Variants in SRBD1 observed in about 807,000 individuals in gnomAD.
SRBD1 encodes S1 RNA-binding domain-containing protein 1.
In SRBD1, 88 loss-of-function variants were observed where a neutral mutation model predicts 115.3. That is an observed-to-expected ratio of 0.76 (90% CI 0.64 to 0.91). The LOEUF (loss-of-function observed/expected upper bound fraction) is 0.91, where lower values mean the gene tolerates loss of function less well. SRBD1 is among the 40% of genes least tolerant of loss of function. SRBD1 has a pLI of 0.00. For synonymous variants in SRBD1, 509 were observed against 407.7 expected, an observed-to-expected ratio of 1.25 and a Z score of -2.99; for missense variants, 1,385 against 1,177.4, an observed-to-expected ratio of 1.18 and a Z score of -2.58.
At chr2:45,485,690 T>C (rs55738065) in intron 15 of SRBD1, among the ~76,000 whole-genome samples, 1,788 of 152,298 alleles carry the variant, frequency 0.012, 31 homozygotes, top group African/African-American at 0.034. Context: ...TTAACACACA[T>C]ATAAATTTTG....
intron 14 of SRBD1, among the ~76,000 whole-genome samples, chr2:45,536,417 C>A (rs142458196): frequency 6.6e-6 from 1 of 152,034 alleles, no homozygotes; most frequent in African/African-American, 2.4e-5. Context: ...AAACCAATCA[C>A]CCAAACATTT....
At chr2:45,456,567 G>T (rs1669159914) in intron 16 of SRBD1, among the ~76,000 whole-genome samples, 1 of 151,942 alleles carries the variant, frequency 6.6e-6, no homozygotes, top group East Asian at 1.9e-4. Flanking sequence ...TACATAATGG[G>T]CATTTTGTAA....
rs115772375 is a variant in SRBD1 at position 45,483,790 on chromosome 2, C to T, written c.1966+4450G>A. ...ACAACTCTAAATTAGAATTTTTTCACTATAATGCTTATTAAAATGTAGTTT... is the reference window on the plus strand; with the variant it reads ...ACAACTCTAAATTAGAATTTTTTCATTATAATGCTTATTAAAATGTAGTTT... On this transcript the variant is annotated intron_variant, in intron 15 of 20. Transcript: ENST00000263736. Among the ~76,000 whole-genome samples, 940 of 152,184 alleles carry T rather than the reference C, an allele frequency of 6.2e-3. 6 individuals carry two copies. The highest frequency in any genetic ancestry group is 0.021 in the African/African-American group (856 of 41,548).
intron 9 of SRBD1, among the ~76,000 whole-genome samples, chr2:45,569,920 G>C (rs1460332194): frequency 6.6e-6 from 1 of 152,198 alleles, no homozygotes; most frequent in African/African-American, 2.4e-5. Context: ...AAACAATTTT[G>C]AATGTGTAAG....
chr2:45,544,125 C>T (rs1672033033), intron 14 of SRBD1, among the ~76,000 whole-genome samples: 2 of 148,726 alleles, frequency 1.3e-5, no homozygotes, highest in South Asian at 2.1e-4. Context: ...CCCAGCTACT[C>T]GGGAGGTTGA....
intron 4 of SRBD1, among the ~76,000 whole-genome samples, chr2:45,595,044 T>C (rs929501005): frequency 6.6e-6 from 1 of 152,224 alleles, no homozygotes; most frequent in Non-Finnish European, 1.5e-5. Context: ...CCAACCCCCC[T>C]GCTTAATTCA....
At chr2:45,555,259 C>T (rs1672436654) in intron 10 of SRBD1, among the ~76,000 whole-genome samples, 1 of 152,110 alleles carries the variant, frequency 6.6e-6, no homozygotes, top group Admixed American at 6.5e-5. Flanking sequence ...TTGGTGTGTG[C>T]CTGTAGTCCC....
At chr2:45,490,692 G>C (rs1670266006) in intron 14 of SRBD1, among the ~76,000 whole-genome samples, 1 of 152,136 alleles carries the variant, frequency 6.6e-6, no homozygotes, top group Non-Finnish European at 1.5e-5. Context: ...CTGGGTACCT[G>C]AGAATTTGCT....
intron 16 of SRBD1, among the ~76,000 whole-genome samples, chr2:45,464,895 A>T (rs1318286614): frequency 6.6e-6 from 1 of 152,116 alleles, no homozygotes; most frequent in Non-Finnish European, 1.5e-5. Context: ...CTATTTATGA[A>T]ATAATGAAGT....
intron 16 of SRBD1, among the ~76,000 whole-genome samples, chr2:45,420,583 T>C (rs1667966782): frequency 6.6e-6 from 1 of 152,222 alleles, no homozygotes. Context: ...AAGAACCATA[T>C]ATCATGTACA....
chr2:45,591,017 A>G (rs1673705439), intron 4 of SRBD1, among the ~76,000 whole-genome samples: 1 of 151,890 alleles, frequency 6.6e-6, no homozygotes, highest in African/African-American at 2.4e-5. Flanking sequence ...AACTCTCAAA[A>G]AAAAAAAAAA....
At chr2:45,428,464 T>C (rs185778875) in intron 16 of SRBD1, among the ~76,000 whole-genome samples, 1,848 of 152,064 alleles carry the variant, frequency 0.012, 14 homozygotes, top group Non-Finnish European at 0.014. Flanking sequence ...GGTAGGAGAA[T>C]GGCGTGAACC....
chr2:45,489,842 C>T (rs1029534504), intron 14 of SRBD1, among the ~76,000 whole-genome samples: 9 of 150,378 alleles, frequency 6.0e-5, no homozygotes, highest in Non-Finnish European at 1.3e-4. Flanking sequence ...CTCAAACTCT[C>T]AATAAAATGA....
chr2:45,600,581 G>T (rs1038855572), intron 3 of SRBD1, among the ~76,000 whole-genome samples: 3 of 152,168 alleles, frequency 2.0e-5, no homozygotes, highest in Non-Finnish European at 4.4e-5. Context: ...GCAGGCTAAT[G>T]TCAGGCATTT....
At chr2:45,392,537 C>T (rs954878408) in intron 20 of SRBD1, among the ~76,000 whole-genome samples, 1 of 152,122 alleles carries the variant, frequency 6.6e-6, no homozygotes. Flanking sequence ...ACACAGAATC[C>T]AAGAACTTGG....
At chr2:45,563,078 T>C (rs1190011538) in intron 9 of SRBD1, among the ~76,000 whole-genome samples, 1 of 152,208 alleles carries the variant, frequency 6.6e-6, no homozygotes, top group Non-Finnish European at 1.5e-5. Flanking sequence ...GTATACTTTT[T>C]ATAATTTGAA....
intron 4 of SRBD1, among the ~76,000 whole-genome samples, chr2:45,586,337 C>T (rs939518200): frequency 6.6e-6 from 1 of 151,956 alleles, no homozygotes; most frequent in African/African-American, 2.4e-5. Context: ...AATGGAGGAA[C>T]TGGAAAATAT....
chr2:45,389,724 T>C (rs946444989), intron 20 of SRBD1, 125 bp from the exon 21 acceptor site: 11 of 954,184 alleles, frequency 1.2e-5, no homozygotes, highest in African/African-American at 3.3e-5. Flanking sequence ...GGGGGGATTA[T>C]AAAAGGAGCT....
chr2:45,605,314 TA>T (rs1324033188), intron 2 of SRBD1, 47 bp downstream of exon 2: 1 of 1,563,036 alleles, frequency 6.4e-7, no homozygotes, highest in African/African-American at 1.4e-5. Flanking sequence ...TACTCCTTAT[TA>T]AAATATTCAT....
Sources: allele counts gnomAD v4.1 joint callset (sites outside exome capture counted in the v4.1 genomes callset), GRCh38; gene constraint gnomAD v4.1.1; transcripts MANE v1.5; gene names NCBI Gene and HGNC (gene_info 2026-07-23, HGNC 2026-07-21).